Variants in ADAM22 observed in about 807,000 individuals in gnomAD.
ADAM22 encodes disintegrin and metalloproteinase domain-containing protein 22.
A neutral mutation model predicts 144.6 loss-of-function variants in ADAM22; 65 were observed. The ratio of observed to expected loss-of-function variants is 0.45; its 90% confidence interval spans 0.37 to 0.55. The LOEUF is 0.55. ADAM22 is among the 20% of genes least tolerant of loss of function. The pLI is 0.00. For synonymous variants in ADAM22, 391 were observed against 412.6 expected (o/e 0.95, Z 0.63); for missense variants, 974 against 1,184.9 (o/e 0.82, Z 2.61).
chr7:87,973,181 C>T (rs1400863541), intron 2 of ADAM22, among the ~76,000 whole-genome samples: 1 of 152,170 alleles, frequency 6.6e-6, no homozygotes, highest in Non-Finnish European at 1.5e-5. Flanking sequence ...AAAATTTTTG[C>T]AACCTACTTA....
In ADAM22 at chr7:88,079,938, C is replaced by T. The variant is rs149004002; in HGVS notation, c.390+4246C>T. ...CCACTGTCAACATCAGACCGATCAACGACACAGAAAGTTAAGAAGGATATC... is the reference window on the plus strand; with the variant it reads ...CCACTGTCAACATCAGACCGATCAATGACACAGAAAGTTAAGAAGGATATC... On this transcript the variant is annotated intron_variant, in intron 4 of 31. Transcript: ENST00000413139. Among the ~76,000 whole-genome samples, 367 of 152,260 alleles carry T rather than the reference C, an allele frequency of 2.4e-3. 1 individual carries two copies. The highest frequency in any genetic ancestry group is 8.2e-3 in the African/African-American group (341 of 41,546).
chr7:88,133,638 A>G (rs997547619), intron 12 of ADAM22, among the ~76,000 whole-genome samples: 3 of 152,284 alleles, frequency 2.0e-5, no homozygotes, highest in Non-Finnish European at 4.4e-5. Context: ...TCCCTGAAGC[A>G]TCAGGTTGTC....
intron 1 of ADAM22, 110 bp downstream of exon 1, chr7:87,934,660 ATTTTTTT>A (rs57360340): frequency 4.1e-5 from 29 of 704,898 alleles, no homozygotes; most frequent in Admixed American, 1.1e-4. Context: ...GCGCGGGGAG[ATTTTTTT>A]TTTTTTTTTT....
At chr7:88,104,120 A>G (rs1365353023) in intron 4 of ADAM22, among the ~76,000 whole-genome samples, 2 of 152,188 alleles carry the variant, frequency 1.3e-5, no homozygotes, top group Non-Finnish European at 1.5e-5. Context: ...CTAAATGTCC[A>G]TTAGTACAGG....
intron 3 of ADAM22, among the ~76,000 whole-genome samples, chr7:87,997,675 A>G (rs1025866504): frequency 5.3e-5 from 8 of 152,378 alleles, no homozygotes; most frequent in South Asian, 2.1e-4. Context: ...CAAAGGCAAC[A>G]GTGGTCAGTC....
At chr7:87,954,625 A>C (rs1400973716) in intron 2 of ADAM22, among the ~76,000 whole-genome samples, 1 of 151,878 alleles carries the variant, frequency 6.6e-6, no homozygotes, top group Non-Finnish European at 1.5e-5. Flanking sequence ...TGTGTCTTGG[A>C]GTTGCTCTTC....
At chr7:88,083,175 C>G (rs1817353493) in intron 4 of ADAM22, among the ~76,000 whole-genome samples, 1 of 152,144 alleles carries the variant, frequency 6.6e-6, no homozygotes, top group Admixed American at 6.5e-5. Flanking sequence ...ATGATGAGCT[C>G]ATGTCCTTTG....
intron 3 of ADAM22, among the ~76,000 whole-genome samples, chr7:88,020,420 A>G (rs1377916831): frequency 1.3e-5 from 2 of 152,200 alleles, no homozygotes; most frequent in Non-Finnish European, 2.9e-5. Context: ...ACAATACTCC[A>G]CAGGGGGTTC....
chr7:88,153,152 T>G (rs1838945766), intron 20 of ADAM22, 69 bp from the exon 21 acceptor site: 3 of 1,099,780 alleles, frequency 2.7e-6, no homozygotes, highest in Non-Finnish European at 4.0e-6. Flanking sequence ...ACAATTTTTC[T>G]TTTCTGCAAA....
At chr7:88,181,339 C>G (rs760002246) in intron 27 of ADAM22, 166 bp from the exon 28 acceptor site, 201 of 605,590 alleles carry the variant, frequency 3.3e-4, no homozygotes, top group Non-Finnish European at 4.6e-4. Context: ...GTAATTCTGC[C>G]TTCTTCATGA....
At chr7:88,170,195 A>G (rs1843970476) in intron 25 of ADAM22, among the ~76,000 whole-genome samples, 1 of 152,068 alleles carries the variant, frequency 6.6e-6, no homozygotes, top group African/African-American at 2.4e-5. Flanking sequence ...CCTTGTGCAT[A>G]CTACAGTATC....
In ADAM22 at chr7:88,196,432, C is replaced by T. The variant is rs765290998; in HGVS notation, c.2875-39C>T. ...CTATTCAGAATACATCTGCTTCCTGCTTTCACAATGTGCAATTTTGCTCTT... is the reference window on the plus strand; with the variant it reads ...CTATTCAGAATACATCTGCTTCCTGTTTTCACAATGTGCAATTTTGCTCTT... On this transcript the variant is annotated intron_variant, in intron 31 of 31. Transcript: ENST00000413139. 9.3e-6 allele frequency: 15 copies of T among 1,612,862 alleles called. No homozygotes were observed. In the Middle Eastern group the frequency reaches 5.0e-4, roughly 53 times the overall value.
At chr7:88,009,821 C>T (rs187250779) in intron 3 of ADAM22, among the ~76,000 whole-genome samples, 297 of 152,230 alleles carry the variant, frequency 2.0e-3, no homozygotes, top group African/African-American at 7.1e-3. Context: ...AGGTCTTTGG[C>T]CCTGCACCTT....
At chr7:88,140,820 A>G (rs1453775963) in intron 14 of ADAM22, among the ~76,000 whole-genome samples, 3 of 152,170 alleles carry the variant, frequency 2.0e-5, no homozygotes, top group Admixed American at 2.0e-4. Flanking sequence ...TGGGCAACAG[A>G]GTGAGACCCC....
intron 4 of ADAM22, among the ~76,000 whole-genome samples, chr7:88,080,467 G>T (rs1467965143): frequency 6.6e-6 from 1 of 152,132 alleles, no homozygotes; most frequent in African/African-American, 2.4e-5. Context: ...ACATTCAAAA[G>T]CTAGCAGAAG....
Position 87,934,977 on chromosome 7 carries a change from A to G in ADAM22, c.86-49A>G, listed in dbSNP as rs1562787028. 9.3e-6 allele frequency: 15 copies of G among 1,612,316 alleles called. No individual in the cohort carries two copies. The East Asian group carries it at 2.7e-4, about 29-fold the overall frequency. On this transcript the variant is annotated intron_variant, in intron 1 of 31. Coordinates refer to ENST00000413139, the MANE Select transcript of ADAM22 (RefSeq NM_001324418.2). ...TGGAGGAGTGAGGGTCAGGGTCATT[A>G]TTTTCGCCTTTTCTCTCCACTCCCT...
At chr7:88,061,905 C>G (rs574124653) in intron 3 of ADAM22, among the ~76,000 whole-genome samples, 5 of 142,814 alleles carry the variant, frequency 3.5e-5, no homozygotes, top group Admixed American at 3.0e-4. Flanking sequence ...TACAGTGACA[C>G]AATCACAGCT....
intron 20 of ADAM22, among the ~76,000 whole-genome samples, chr7:88,152,842 C>A (rs1420326816): frequency 6.6e-6 from 1 of 151,954 alleles, no homozygotes; most frequent in Non-Finnish European, 1.5e-5. Context: ...CCACACCCAG[C>A]TAATTTTTTT....
rs1297652612 is a variant in ADAM22, at chr7:88,108,259, G to GT, written c.473+2dup. ...CATTGTCAACATGCCACGGACTTCA[G>GT]TAAGTGTTCAAAAAGTTATTTTTAC... On this transcript the variant is annotated splice_donor_variant, in intron 5 of 31. Transcript: ENST00000413139. LOFTEE classifies it high-confidence loss of function. 4 of 1,611,484 alleles carry GT rather than the reference G, an allele frequency of 2.5e-6. No homozygotes were observed. Among genetic ancestry groups the GT allele is most frequent in the African/African-American group, 1.3e-5 (1 of 74,868 alleles).
Sources: gnomAD v4.1 joint callset for allele counts (sites outside exome capture counted in the v4.1 genomes callset) on GRCh38, gnomAD v4.1.1 for gene constraint, MANE v1.5 for transcripts, NCBI Gene and HGNC (gene_info 2026-07-23, HGNC 2026-07-21) for gene names.